PDE9A: variants seen among roughly 807,000 people sequenced by gnomAD.
PDE9A encodes high affinity cGMP-specific 3',5'-cyclic phosphodiesterase 9A.
In PDE9A, 60 loss-of-function variants were observed where a neutral mutation model predicts 87.4. The observed-to-expected ratio is 0.69, with a 90% CI of 0.56 to 0.85. The LOEUF (loss-of-function observed/expected upper bound fraction) is 0.85, where lower values mean the gene tolerates loss of function less well. PDE9A is among the 40% of genes least tolerant of loss of function. The probability of loss-of-function intolerance (pLI) is 0.00; values close to 1 mark genes in which losing one functional copy is unlikely to be tolerated. For missense variants in PDE9A, 665 were observed against 779.0 expected (o/e 0.85, Z 1.74); for synonymous variants, 272 against 279.4 (o/e 0.97, Z 0.27).
Position 42,765,486 on chromosome 21 carries a change from A to T in PDE9A, c.1348A>T (p.Met450Leu). 1.3e-6 allele frequency: 2 copies of T among 1,596,856 alleles called. No individual in the cohort carries two copies. The highest frequency in any genetic ancestry group is 1.7e-6 in the Non-Finnish European group (2 of 1,164,682). The change falls in exon 15 of 20, where the codon ATG becomes TTG. Residue 450 changes from methionine to leucine, a missense_variant. By Grantham distance (15) the Met-to-Leu change is conservative. Transcript: ENST00000291539. ...ENFDYSNEEH[M>L]TLLKMILIKC... is the part of the protein sequence containing the mutation. ...TTTTGACTACAGCAACGAGGAGCAC[A>T]TGACCCTGGTGAGTGGCTTATTCTG...
chr21:42,741,717 C>G (rs891391743), intron 7 of PDE9A: 2 of 109,416 alleles, frequency 1.8e-5, no homozygotes, highest in African/African-American at 4.7e-5. Flanking sequence ...GAAACCCACC[C>G]GGGAGGCTGA....
At position 42,672,323 on chromosome 21, in the gene PDE9A, C is replaced by T. The variant is rs542441701; in HGVS notation, c.70-13869C>T. On this transcript the variant is annotated intron_variant, in intron 1 of 19. Transcript: ENST00000291539. ...GGCTCTTCTCTCTCTTGTCTGTCCT[C>T]GTCTGTGGGGGAATGAAGATGACAC... 2.2e-3 allele frequency among the ~76,000 whole-genome samples: 332 copies of T among 152,316 alleles called. 2 individuals are homozygous for T. The highest frequency in any genetic ancestry group is 4.0e-3 in the Non-Finnish European group (270 of 68,036).
At chr21:42,772,100 CCT>C (rs1555959670) in intron 18 of PDE9A, among the ~76,000 whole-genome samples, 8 of 152,138 alleles carry the variant, frequency 5.3e-5, no homozygotes, top group Admixed American at 1.3e-4. Flanking sequence ...TGCCTTCCCC[CCT>C]GTCAGCCCCC....
At chr21:42,767,190 G>A (rs2056492350) in intron 15 of PDE9A, among the ~76,000 whole-genome samples, 1 of 152,132 alleles carries the variant, frequency 6.6e-6, no homozygotes, top group Non-Finnish European at 1.5e-5. Flanking sequence ...ATTCAAAATG[G>A]GCCCCAATAG....
chr21:42,700,483 G>A (rs1345478673), intron 4 of PDE9A, among the ~76,000 whole-genome samples: 1 of 152,190 alleles, frequency 6.6e-6, no homozygotes, highest in Non-Finnish European at 1.5e-5. Context: ...TCCCCAGTCT[G>A]GGTTTGTCTG....
At chr21:42,654,267 CG>C (rs1476168932) in intron 1 of PDE9A, among the ~76,000 whole-genome samples, 1 of 152,076 alleles carries the variant, frequency 6.6e-6, no homozygotes, top group Non-Finnish European at 1.5e-5. Context: ...TCCTGTCGCG[CG>C]GGGGCAGGTG....
chr21:42,738,438 GAGCACAGTGAGGCTGGGGAAGGAGCAC>G lies in PDE9A; in HGVS notation c.568+5020_568+5046del, dbSNP rs1361591889. Among the ~76,000 whole-genome samples the G allele has an allele frequency of 2.6e-5, 4 of 152,174 alleles. No homozygotes were observed. The East Asian group carries it at 5.8e-4, about 22-fold the overall frequency. ...CTGCCAGGTTCCCGGCCTCTTGCTG[GAGCACAGTGAGGCTGGGGAAGGAGCAC>G]AGCACAGAGCCTCCTGAGCCTCGGC... On this transcript the variant is annotated intron_variant, in intron 7 of 19. Transcript: ENST00000291539.
At chr21:42,772,569 G>GTCCTTTGTCAGAATC in intron 19 of PDE9A, 49 bp downstream of exon 19, 1 of 1,263,992 alleles carries the variant, frequency 7.9e-7, no homozygotes, top group Non-Finnish European at 1.1e-6. Flanking sequence ...CAATGATTCT[G>GTCCTTTGTCAGAATC]ACAAAGGACA....
intron 16 of PDE9A, chr21:42,768,547 T>C: frequency 7.7e-7 from 1 of 1,290,486 alleles, no homozygotes; most frequent in Non-Finnish European, 9.8e-7. Flanking sequence ...TGAGCCATTA[T>C]TACAAGCAGC....
chr21:42,775,242 T>C, intron 19 of PDE9A, 38 bp from the exon 20 acceptor site: 1 of 1,610,146 alleles, frequency 6.2e-7, no homozygotes. Context: ...GCCCTAATTC[T>C]AACAAAAACA....
chr21:42,706,344 T>C (rs2048831987), intron 4 of PDE9A, among the ~76,000 whole-genome samples: 1 of 152,226 alleles, frequency 6.6e-6, no homozygotes, highest in African/African-American at 2.4e-5. Context: ...AAGCCCACCA[T>C]TTTAAAGTGT....
chr21:42,674,401 C>T (rs889411362), intron 1 of PDE9A, among the ~76,000 whole-genome samples: 11 of 150,480 alleles, frequency 7.3e-5, no homozygotes, highest in African/African-American at 2.7e-4. Context: ...AACACTCTGC[C>T]GAGTCCTGGC....
chr21:42,739,153 G>A lies in PDE9A; in HGVS notation c.569-4623G>A, dbSNP rs2052814081. Among the ~76,000 whole-genome samples, 2 of 152,246 alleles carry A rather than the reference G, an allele frequency of 1.3e-5. No homozygotes were observed. The highest frequency in any genetic ancestry group is 2.9e-5 in the Non-Finnish European group (2 of 68,030). ...AGTGGGCCAGGGAGCCTCTGCTTTG[G>A]TTTGTGGTGCGTGGTCTGTGCCCGC... On this transcript the variant is annotated intron_variant, in intron 7 of 19. Transcript: ENST00000291539. This position sits in a 1 kb window ranked among gnomAD's most constrained non-coding sequence, Gnocchi z 4.1.
At chr21:42,658,252 G>A (rs2057238225) in intron 1 of PDE9A, among the ~76,000 whole-genome samples, 1 of 152,244 alleles carries the variant, frequency 6.6e-6, no homozygotes. Context: ...CCTCCCCGCA[G>A]TGCTTGGAGT....
rs1442664946 is a variant in PDE9A, at chr21:42,743,762, C to G, written c.569-14C>G. The G allele has an allele frequency of 1.9e-6, 3 of 1,544,268 alleles. No individual in the cohort carries two copies. The highest frequency in any genetic ancestry group is 3.6e-5 in the Admixed American group (2 of 55,622). ...CCGTGGTAACCCCCTTGCTGTCTCT[C>G]TCTCTGTCACCAGTGGAAGGACTAA... is the stretch of plus-strand genomic sequence containing the variant. On this transcript the variant is annotated splice_polypyrimidine_tract_variant and intron_variant, in intron 7 of 19. Transcript: ENST00000291539.
chr21:42,721,841 AC>A (rs112046630), intron 4 of PDE9A, among the ~76,000 whole-genome samples: 4,507 of 151,602 alleles, frequency 0.03, 230 homozygotes, highest in African/African-American at 0.1. Context: ...CCCTGCTCCC[AC>A]CCCCCACAAT....
intron 6 of PDE9A, 137 bp downstream of exon 6, chr21:42,732,261 C>G (rs1447671986): frequency 1.3e-6 from 1 of 764,186 alleles, no homozygotes; most frequent in Non-Finnish European, 2.2e-6. Context: ...GCTGCCCGCA[C>G]GGTGGAAGCC....
chr21:42,734,892 C>T (rs2052226687), intron 7 of PDE9A, among the ~76,000 whole-genome samples: 1 of 152,184 alleles, frequency 6.6e-6, no homozygotes, highest in Non-Finnish European at 1.5e-5. Flanking sequence ...GGCCGGGCTG[C>T]TGTCACGGCC....
intron 1 of PDE9A, among the ~76,000 whole-genome samples, chr21:42,663,635 G>A (rs1051606135): frequency 8.5e-5 from 13 of 152,188 alleles, no homozygotes; most frequent in African/African-American, 1.4e-4. Context: ...CATGCAGCCC[G>A]ACTCTTGGGG....
Sources: gnomAD v4.1 joint callset for allele counts (sites outside exome capture counted in the v4.1 genomes callset) on GRCh38, gnomAD v4.1.1 for gene constraint, Gnocchi (gnomAD v3.1) non-coding constraint, MANE v1.5 for transcripts, NCBI Gene and HGNC (gene_info 2026-07-23, HGNC 2026-07-21) for gene names.